Variants in TRMT44 observed in about 807,000 individuals in gnomAD.
The protein encoded by TRMT44 is probable tRNA (uracil-O(2)-)-methyltransferase.
Under a neutral mutation model 77.3 loss-of-function variants are expected in TRMT44, and 78 were observed. The observed-to-expected ratio is 1.01, with a 90% CI of 0.84 to 1.22. TRMT44 has a LOEUF of 1.22. TRMT44 is among the 50% of genes most tolerant of loss of function. The pLI, the probability that TRMT44 is intolerant of heterozygous loss-of-function variation, is 0.00. For synonymous variants in TRMT44, 391 were observed against 383.3 expected (o/e 1.02, Z -0.23); for missense variants, 1,090 against 964.4 (o/e 1.13, Z -1.73).
chr4:8,494,698 T>C (rs1169501730), downstream of TRMT44, among the ~76,000 whole-genome samples: 2 of 152,220 alleles, frequency 1.3e-5, no homozygotes, highest in Non-Finnish European at 2.9e-5. Context: ...CCTGAGGCTG[T>C]GTTATGGGTG....
At chr4:8,513,817 T>C in the TRMT44 span, among the ~76,000 whole-genome samples, 3 of 152,192 alleles carry the variant, frequency 2.0e-5, no homozygotes, top group Non-Finnish European at 4.4e-5. Flanking sequence ...AAATGAGGAT[T>C]GAGACCACAA....
At chr4:8,498,120 T>C (rs961535088), downstream of TRMT44, among the ~76,000 whole-genome samples, 1 of 152,152 alleles carries the variant, frequency 6.6e-6, no homozygotes, top group Non-Finnish European at 1.5e-5. This position sits in a 1 kb window ranked among gnomAD's most constrained non-coding sequence, Gnocchi z 4.3. Flanking sequence ...CCTCCCTTTG[T>C]GGGTTCCCCT....
chr4:8,447,249 C>A (rs1454973550), intron 2 of TRMT44, among the ~76,000 whole-genome samples: 1 of 152,176 alleles, frequency 6.6e-6, no homozygotes, highest in African/African-American at 2.4e-5. Flanking sequence ...TTCAGTGATA[C>A]TTATTATAAA....
chr4:8,473,367 A>G (rs751283392), intron 10 of TRMT44: 8 of 152,304 alleles, frequency 5.3e-5, no homozygotes, highest in Non-Finnish European at 1.2e-4. Flanking sequence ...TCCTGCACTC[A>G]TGGCAGAGCA....
chr4:8,487,567 G>A (rs905883537), intron 2 of TRMT44, among the ~76,000 whole-genome samples: 2 of 151,868 alleles, frequency 1.3e-5, no homozygotes, highest in Admixed American at 6.6e-5. Context: ...AGGGATCGGG[G>A]TGCAGAGATA....
intron 2 of TRMT44, among the ~76,000 whole-genome samples, chr4:8,487,884 C>T (rs530467529): frequency 2.5e-3 from 375 of 152,226 alleles, no homozygotes; most frequent in Non-Finnish European, 4.6e-3. Flanking sequence ...GTCAGAGAGG[C>T]GTCCCTGCAA....
intron 2 of TRMT44, among the ~76,000 whole-genome samples, chr4:8,448,255 C>T (rs917260918): frequency 4.6e-5 from 7 of 152,312 alleles, no homozygotes; most frequent in Middle Eastern, 3.4e-3. Flanking sequence ...CGTGCTTCTT[C>T]GCAGCTGGAT....
rs1725512541 is a variant in TRMT44 at position 8,452,429 on chromosome 4, T to A, written c.1023+401T>A. Among the ~76,000 whole-genome samples, 1 of 152,256 alleles carries A rather than the reference T, an allele frequency of 6.6e-6. No homozygotes were observed. Among genetic ancestry groups the A allele is most frequent in the Non-Finnish European group, 1.5e-5 (1 of 68,044 alleles). On this transcript the variant is annotated intron_variant, in intron 4 of 10. Coordinates refer to ENST00000389737, the MANE Select transcript of TRMT44 (RefSeq NM_152544.3). This position sits in a 1 kb window ranked among gnomAD's most constrained non-coding sequence, Gnocchi z 5.7. ...TCTGATTTAATCATCTTGGTTTACT[T>A]ATCTATAAGAATGTTTAGAGTAGGC... is the stretch of plus-strand genomic sequence containing the variant.
chr4:8,508,247 G>A, the TRMT44 span, among the ~76,000 whole-genome samples: 1 of 152,216 alleles, frequency 6.6e-6, no homozygotes, highest in African/African-American at 2.4e-5. Flanking sequence ...TCTGTGTGGG[G>A]TCCTGAGGCA....
chr4:8,516,799 C>T, the TRMT44 span, among the ~76,000 whole-genome samples: 1 of 152,134 alleles, frequency 6.6e-6, no homozygotes, highest in Non-Finnish European at 1.5e-5. Context: ...AACAAAACAA[C>T]AAAAACAACA....
downstream of TRMT44, chr4:8,478,843 G>C (rs905912184): frequency 6.6e-6 from 1 of 152,388 alleles, no homozygotes; most frequent in Admixed American, 6.5e-5. Context: ...CAGGCGCCGC[G>C]ACTTGCCCCA....
chr4:8,477,664 T>TTAGG (rs1413438745), downstream of TRMT44: 5 of 152,948 alleles, frequency 3.3e-5, no homozygotes, highest in East Asian at 9.6e-4. Flanking sequence ...AGCCCCTGTG[T>TTAGG]TAGGCCGTGA....
intron 8 of TRMT44, among the ~76,000 whole-genome samples, chr4:8,465,987 T>G (rs1199360852): frequency 6.6e-6 from 1 of 152,238 alleles, no homozygotes; most frequent in African/African-American, 2.4e-5. Flanking sequence ...CCTAGTTCAT[T>G]CAGATTCACC....
chr4:8,481,928 GT>G (rs1476144098), intron 2 of TRMT44, among the ~76,000 whole-genome samples: 4 of 152,224 alleles, frequency 2.6e-5, no homozygotes, highest in Non-Finnish European at 5.9e-5. Context: ...CCATGGTGAT[GT>G]GCTTGGTTTC....
downstream of TRMT44, among the ~76,000 whole-genome samples, chr4:8,497,563 T>G (rs1172826483): frequency 6.6e-6 from 1 of 152,198 alleles, no homozygotes; most frequent in African/African-American, 2.4e-5. Flanking sequence ...GAGAATTGCA[T>G]GAACCCAGGA....
chr4:8,469,251 C>T (rs573215024), intron 9 of TRMT44, among the ~76,000 whole-genome samples: 1 of 145,810 alleles, frequency 6.9e-6, no homozygotes, highest in East Asian at 1.9e-4. Context: ...GAGCCTCTAG[C>T]CATCTGGCGA....
chr4:8,464,162 G>T (rs964704782), intron 7 of TRMT44, 71 bp downstream of exon 7: 1 of 1,271,412 alleles, frequency 7.9e-7, no homozygotes, highest in Non-Finnish European at 1.1e-6. Context: ...GTGTCCAAAA[G>T]GGTAGCCACT....
intron 3 of TRMT44, 61 bp downstream of exon 3, chr4:8,449,949 C>CTTTTTTTTTTTTTTTTTTTTTTT (rs745915221): frequency 7.5e-5 from 18 of 239,168 alleles, no homozygotes; most frequent in South Asian, 4.2e-4. Context: ...CTTTTCTTTT[C>CTTTTTTTTTTTTTTTTTTTTTTT]TTTTTTTTTT....
chr4:8,496,502 C>T (rs1312243721), downstream of TRMT44, among the ~76,000 whole-genome samples: 1 of 152,164 alleles, frequency 6.6e-6, no homozygotes, highest in Non-Finnish European at 1.5e-5. Context: ...TGCAGGAGCT[C>T]AACCATGCAG....
Sources: gnomAD v4.1 joint callset for allele counts (sites outside exome capture counted in the v4.1 genomes callset) on GRCh38, gnomAD v4.1.1 for gene constraint, Gnocchi (gnomAD v3.1) non-coding constraint, MANE v1.5 for transcripts, NCBI Gene and HGNC (gene_info 2026-07-23, HGNC 2026-07-21) for gene names.